SLC15A2: variants seen among roughly 807,000 people sequenced by gnomAD.
The protein encoded by SLC15A2 is kidney H(+)/peptide cotransporter.
A neutral mutation model predicts 95.5 loss-of-function variants in SLC15A2; 77 were observed. That is an observed-to-expected ratio of 0.81 (90% confidence interval 0.67 to 0.97). The LOEUF is 0.97. Among genes scored for constraint, SLC15A2 ranks in the 50% least tolerant of loss-of-function variants. The pLI, the probability that SLC15A2 is intolerant of heterozygous loss-of-function variation, is 0.00. For missense variants in SLC15A2, 893 were observed against 874.4 expected, an observed-to-expected ratio of 1.02 and a Z score of -0.27; for synonymous variants, 306 against 306.9, an observed-to-expected ratio of 1.00 and a Z score of 0.03.
chr3:121,936,658 C>T (rs560882171), intron 19 of SLC15A2, among the ~76,000 whole-genome samples: 1 of 151,234 alleles, frequency 6.6e-6, no homozygotes, highest in East Asian at 1.9e-4. Flanking sequence ...CTATGTGTGT[C>T]TCTGCACGTG....
intron 3 of SLC15A2, among the ~76,000 whole-genome samples, chr3:121,904,612 G>A (rs905005936): frequency 1.3e-5 from 2 of 152,202 alleles, no homozygotes; most frequent in Non-Finnish European, 2.9e-5. Flanking sequence ...AGATAATCAT[G>A]TGGTTTTTGT....
intron 3 of SLC15A2, among the ~76,000 whole-genome samples, chr3:121,904,562 G>A (rs904958408): frequency 1.3e-5 from 2 of 152,208 alleles, no homozygotes; most frequent in African/African-American, 2.4e-5. Flanking sequence ...TAGCATGAAG[G>A]GCTGTTGATT....
intron 3 of SLC15A2, among the ~76,000 whole-genome samples, chr3:121,908,773 C>G (rs1709705505): frequency 1.3e-5 from 2 of 152,168 alleles, no homozygotes. Flanking sequence ...ACTTCTTTCT[C>G]TTCCATTTTC....
intron 8 of SLC15A2, 117 bp from the exon 9 acceptor site, chr3:121,922,658 C>T (rs535499605): frequency 4.9e-5 from 31 of 633,494 alleles, no homozygotes. Context: ...CTGATTAGGT[C>T]AAAGAGTTGG....
Position 121,922,799 on chromosome 3 carries a change from A to G in SLC15A2, c.805A>G (p.Asn269Asp). ...GTTTGCTATTTCCAATCGTTTCAAG[A>G]ACCGTTCTGGAGACATTCCAAAGCG... Reference protein sequence around the residue: ...IWFAISNRFKNRSGDIPKRQH... With the variant: ...IWFAISNRFKDRSGDIPKRQH... The change falls in exon 9 of 22, where the codon AAC (asparagine) becomes GAC (aspartate). Residue 269 changes from asparagine (N) to aspartate (D), a missense_variant. Asn to Asp is a conservative substitution (Grantham distance 23). Coordinates refer to ENST00000489711, the MANE Select transcript of SLC15A2 (RefSeq NM_021082.4). The G allele has an allele frequency of 1.9e-6, 3 of 1,613,786 alleles. No individual in the cohort carries two copies. In the South Asian group the frequency reaches 3.3e-5, roughly 18 times the overall value.
chr3:121,930,416 A>T (rs1710208850), intron 17 of SLC15A2, among the ~76,000 whole-genome samples: 1 of 152,216 alleles, frequency 6.6e-6, no homozygotes, highest in Non-Finnish European at 1.5e-5. Flanking sequence ...TATCAGTTTT[A>T]TGTAAATACT....
chr3:121,902,314 A>G (rs1423336357), intron 3 of SLC15A2, among the ~76,000 whole-genome samples: 1 of 151,176 alleles, frequency 6.6e-6, no homozygotes, highest in Non-Finnish European at 1.5e-5. Flanking sequence ...ACTTAGAACC[A>G]CTCTCTTAAA....
chr3:121,922,198 C>T, intron 7 of SLC15A2, 22 bp from the exon 8 acceptor site: 2 of 1,603,024 alleles, frequency 1.2e-6, no homozygotes, highest in East Asian at 2.2e-5. Context: ...AGCTAAGAAC[C>T]TTGTTTGTGT....
Position 121,931,731 on chromosome 3 carries a change from C to G in SLC15A2, c.1757C>G (p.Thr586Ser). 6.3e-7 allele frequency: 1 copy of G among 1,596,128 alleles called. No individual in the cohort carries two copies. Among genetic ancestry groups the G allele is most frequent in the Non-Finnish European group, 8.6e-7 (1 of 1,163,842 alleles). Residue 586 changes from threonine to serine, a missense_variant, in exon 19 of 22, where the codon ACT (threonine) becomes AGT (serine). By Grantham distance (58) the Thr-to-Ser change is moderately conservative (BLOSUM62 1). Transcript: ENST00000489711. Reference sequence around the variant, plus strand: ...GGTGCAGCATATCTGTTTGTTATTACTAATGTAAGTAGCTCACAGCCACCT... The same window carrying G: ...GGTGCAGCATATCTGTTTGTTATTAGTAATGTAAGTAGCTCACAGCCACCT... ...DFGAAYLFVI[T>S]NNTNQGLQAW...
intron 1 of SLC15A2, among the ~76,000 whole-genome samples, chr3:121,896,179 A>C (rs1047109245): frequency 2.0e-5 from 3 of 152,244 alleles, no homozygotes; most frequent in African/African-American, 7.2e-5. Context: ...TCCATGTAAA[A>C]TAAATAAGAA....
chr3:121,923,819 C>T (rs1710056604), intron 11 of SLC15A2, among the ~76,000 whole-genome samples: 1 of 152,154 alleles, frequency 6.6e-6, no homozygotes, highest in Non-Finnish European at 1.5e-5. Context: ...TCTATCTTCT[C>T]AGTTTTTGAA....
chr3:121,897,622 C>A, intron 3 of SLC15A2, 93 bp downstream of exon 3: 1 of 1,231,516 alleles, frequency 8.1e-7, no homozygotes, highest in Non-Finnish European at 1.1e-6. Flanking sequence ...AAGAACATAC[C>A]TATGTCATGC....
At chr3:121,914,165 G>C (rs1709830906) in intron 5 of SLC15A2, among the ~76,000 whole-genome samples, 3 of 152,122 alleles carry the variant, frequency 2.0e-5, no homozygotes, top group Non-Finnish European at 4.4e-5. Context: ...TTTGGCAAGT[G>C]GGATCCTGTG....
In SLC15A2 at chr3:121,925,759, TATATATATATATATATATATATAA is replaced by T. The variant is rs1299847790; in HGVS notation, c.1124+728_1124+751del. On this transcript the variant is annotated intron_variant, in intron 13 of 21. Transcript: ENST00000489711. ...ATATATATATATATATATATATATA[TATATATATATATATATATATATAA>T]AATACAACTACTACACAGGTAAAAT... Among the ~76,000 whole-genome samples the T allele has an allele frequency of 7.4e-3, 648 of 87,086 alleles. 38 individuals are homozygous for T. Among genetic ancestry groups the T allele is most frequent in the African/African-American group, 9.7e-3 (178 of 18,296 alleles). The allele number at this position is 87,086 out of a possible 152,430, so 57.1% of individuals were successfully genotyped here.
chr3:121,906,041 G>A (rs988850122), intron 3 of SLC15A2, among the ~76,000 whole-genome samples: 2 of 152,168 alleles, frequency 1.3e-5, no homozygotes, highest in Non-Finnish European at 2.9e-5. Context: ...CCTGTACTGG[G>A]TGCATATATA....
intron 3 of SLC15A2, among the ~76,000 whole-genome samples, chr3:121,903,852 T>C (rs1709572508): frequency 6.6e-6 from 1 of 152,232 alleles, no homozygotes; most frequent in African/African-American, 2.4e-5. Context: ...TGCGTCCATA[T>C]GAACTTTAAA....
chr3:121,901,749 A>G (rs1316887833), intron 3 of SLC15A2, among the ~76,000 whole-genome samples: 1 of 151,494 alleles, frequency 6.6e-6, no homozygotes, highest in Non-Finnish European at 1.5e-5. Context: ...CCTGTAGCCT[A>G]TTTTCTTCAT....
chr3:121,907,396 G>A (rs1465268200), intron 3 of SLC15A2, among the ~76,000 whole-genome samples: 3 of 152,162 alleles, frequency 2.0e-5, no homozygotes, highest in Admixed American at 1.3e-4. Context: ...TTCCATTGCT[G>A]GCAAGGAGCT....
chr3:121,915,102 C>A, intron 5 of SLC15A2, 125 bp from the exon 6 acceptor site: 1 of 1,098,918 alleles, frequency 9.1e-7, no homozygotes, highest in Non-Finnish European at 1.3e-6. Flanking sequence ...ATATGAAATT[C>A]AGGTATTGTG....
Sources: allele counts gnomAD v4.1 joint callset (sites outside exome capture counted in the v4.1 genomes callset), GRCh38; gene constraint gnomAD v4.1.1; transcripts MANE v1.5; gene names NCBI Gene and HGNC (gene_info 2026-07-23, HGNC 2026-07-21).